CDH11: variants seen among roughly 807,000 people sequenced by gnomAD.
CDH11 encodes cadherin 11.
CDH11 carries 11 observed loss-of-function variants against 67.8 expected under a neutral mutation model. That is an observed-to-expected ratio of 0.16 (90% confidence interval 0.10 to 0.27). The LOEUF (loss-of-function observed/expected upper bound fraction) is 0.27, where lower values mean the gene tolerates loss of function less well. Ranked by LOEUF, CDH11 falls within the 10% of genes least tolerant of loss-of-function variation. CDH11 has a pLI of 1.00. For synonymous variants in CDH11, 419 were observed against 400.0 expected (o/e 1.05, Z -0.57); for missense variants, 847 against 1,031.2 (o/e 0.82, Z 2.45).
intron 7 of CDH11, chr16:64,987,868 A>T: frequency 3.6e-6 from 1 of 276,502 alleles, no homozygotes; most frequent in Non-Finnish European, 6.8e-6. Flanking sequence ...GATTTATCTC[A>T]TTGTCCTTCC....
Position 64,972,001 on chromosome 16 carries a change from G to T in CDH11, c.1454C>A (p.Ala485Asp). Residue 485 changes from alanine to aspartate, a missense_variant, in exon 10 of 13, where the codon GCT becomes GAT. This residue lies in a region of CDH11 where 612 missense variants were observed against 678.7 expected (regional missense o/e 0.90). Transcript: ENST00000268603. ...TTCATAAGGGGCAGCAAACTTGGGA[G>T]CATTATCGTTGACATCAAGGACCCT... is the stretch of plus-strand genomic sequence containing the variant. ...AIRVLDVNDN[A>D]PKFAAPYEGF... 1 of 1,613,534 alleles carries T rather than the reference G, an allele frequency of 6.2e-7. No individual in the cohort carries two copies. The highest frequency in any genetic ancestry group is 8.5e-7 in the Non-Finnish European group (1 of 1,179,480).
intron 8 of CDH11, among the ~76,000 whole-genome samples, chr16:64,973,550 A>T (rs2072072888): frequency 6.6e-6 from 1 of 152,236 alleles, no homozygotes; most frequent in African/African-American, 2.4e-5. Context: ...TCACTCCTGT[A>T]ATCCCAGCAC....
chr16:65,059,471 AT>A (rs1293808060), intron 1 of CDH11: 1 of 152,214 alleles, frequency 6.6e-6, no homozygotes, highest in Non-Finnish European at 1.5e-5. Context: ...CAAAGCGCCG[AT>A]GGACGGGCGT....
chr16:65,015,633 G>A (rs756562132), intron 2 of CDH11, among the ~76,000 whole-genome samples: 4 of 152,072 alleles, frequency 2.6e-5, no homozygotes, highest in Non-Finnish European at 5.9e-5. Context: ...CTATAAGGGG[G>A]AAAAATAAAG....
At chr16:65,107,246 G>A (rs1192264208) in intron 1 of CDH11, among the ~76,000 whole-genome samples, 1 of 152,158 alleles carries the variant, frequency 6.6e-6, no homozygotes, top group Non-Finnish European at 1.5e-5. Flanking sequence ...GGGAAAAGTT[G>A]CTGAATTATC....
At chr16:65,028,588 C>A (rs1198938203) in intron 2 of CDH11, among the ~76,000 whole-genome samples, 1 of 152,180 alleles carries the variant, frequency 6.6e-6, no homozygotes, top group Non-Finnish European at 1.5e-5. Context: ...GATATCCCAG[C>A]CTGTCCTACG....
chr16:65,076,348 A>C, intron 1 of CDH11, among the ~76,000 whole-genome samples: 1 of 152,038 alleles, frequency 6.6e-6, no homozygotes, highest in East Asian at 1.9e-4. Flanking sequence ...CAAACCAAAA[A>C]AACAAAAACA....
At chr16:65,001,512 G>A (rs996326741) in intron 3 of CDH11, among the ~76,000 whole-genome samples, 2 of 152,110 alleles carry the variant, frequency 1.3e-5, no homozygotes, top group Non-Finnish European at 2.9e-5. Context: ...GAACAAGAAA[G>A]TATAAATAAA....
chr16:64,978,980 T>C (rs1227695495), intron 8 of CDH11, among the ~76,000 whole-genome samples: 3 of 152,054 alleles, frequency 2.0e-5, no homozygotes, highest in Non-Finnish European at 4.4e-5. Flanking sequence ...TGAAAAGATA[T>C]CCCATGGAAT....
intron 12 of CDH11, among the ~76,000 whole-genome samples, chr16:64,949,843 A>G (rs1255008365): frequency 1.3e-5 from 2 of 152,150 alleles, no homozygotes; most frequent in African/African-American, 2.4e-5. Flanking sequence ...CCTGTCGAGC[A>G]CAGAGATCTC....
chr16:65,009,658 C>T (rs969946941), intron 2 of CDH11, among the ~76,000 whole-genome samples: 6 of 152,020 alleles, frequency 3.9e-5, no homozygotes, highest in African/African-American at 1.4e-4. Flanking sequence ...ATAAAGACCC[C>T]CAAGGTAGTT....
intron 2 of CDH11, among the ~76,000 whole-genome samples, chr16:65,035,135 T>G (rs2073726875): frequency 6.6e-6 from 1 of 152,128 alleles, no homozygotes; most frequent in Non-Finnish European, 1.5e-5. Flanking sequence ...CCTGACTTGT[T>G]TCAGTGAGAG....
intron 2 of CDH11, among the ~76,000 whole-genome samples, chr16:65,042,945 C>T (rs978468329): frequency 3.9e-5 from 6 of 152,188 alleles, no homozygotes; most frequent in Admixed American, 6.5e-5. Context: ...GACACTGCTA[C>T]TGATTTCCTG....
chr16:65,092,939 CTTT>C (rs572146359), intron 1 of CDH11, among the ~76,000 whole-genome samples: 13 of 137,794 alleles, frequency 9.4e-5, no homozygotes, highest in Admixed American at 1.5e-4. Context: ...AGTTTGTCTC[CTTT>C]TTTTTTTTTT....
intron 2 of CDH11, among the ~76,000 whole-genome samples, chr16:65,013,742 G>T (rs1173850654): frequency 1.3e-5 from 2 of 151,902 alleles, no homozygotes; most frequent in South Asian, 2.1e-4. Flanking sequence ...CAGAAGAATT[G>T]CTTGAACCCA....
intron 1 of CDH11, among the ~76,000 whole-genome samples, chr16:65,115,050 C>T (rs1293866846): frequency 6.6e-6 from 1 of 152,156 alleles, no homozygotes; most frequent in Non-Finnish European, 1.5e-5. Flanking sequence ...TTGAGCTAGT[C>T]TGGAATAGTA....
intron 1 of CDH11, among the ~76,000 whole-genome samples, chr16:65,075,357 G>A (rs1451395453): frequency 6.6e-6 from 1 of 152,150 alleles, no homozygotes; most frequent in African/African-American, 2.4e-5. Context: ...CCTAAAGCCC[G>A]TTTCCCTGTC....
intron 1 of CDH11, among the ~76,000 whole-genome samples, chr16:65,096,628 T>C (rs114977201): frequency 0.064 from 9,682 of 150,522 alleles, 509 homozygotes; most frequent in African/African-American, 0.15. Flanking sequence ...ACCAACTATA[T>C]AGATTTGGCA....
upstream of CDH11, chr16:65,122,190 C>A (rs1317475127): frequency 5.5e-6 from 3 of 545,442 alleles, no homozygotes; most frequent in Non-Finnish European, 9.6e-6. Flanking sequence ...AGGGCGGGGG[C>A]TGAGAGAAGC....
Sources: allele counts gnomAD v4.1 joint callset (sites outside exome capture counted in the v4.1 genomes callset), GRCh38; gene constraint gnomAD v4.1.1; regional missense constraint gnomAD v4.1.1; transcripts MANE v1.5; gene names NCBI Gene and HGNC (gene_info 2026-07-23, HGNC 2026-07-21).